CCDC69: variants seen among roughly 807,000 people sequenced by gnomAD.
CCDC69 encodes the protein coiled-coil domain-containing protein 69.
In CCDC69, 38 loss-of-function variants were observed where a neutral mutation model predicts 40.3. That is an observed-to-expected ratio of 0.94 (90% CI 0.73 to 1.24). The LOEUF is 1.24. CCDC69 is among the 50% of genes most tolerant of loss of function. The probability of loss-of-function intolerance (pLI) is 0.00; values close to 1 mark genes in which losing one functional copy is unlikely to be tolerated. For synonymous variants in CCDC69, 141 were observed against 138.9 expected (o/e 1.02, Z -0.11); for missense variants, 389 against 357.9 (o/e 1.09, Z -0.70).
rs766447139 is a variant in CCDC69 at position 151,185,565 on chromosome 5, A to G, written c.496-24T>C. 9 of 1,612,040 alleles carry G rather than the reference A, an allele frequency of 5.6e-6. No homozygotes were observed. The African/African-American group carries it at 1.1e-4, about 19-fold the overall frequency. ...TCCTAGACAGGGACAGAGTGACCTC[A>G]TTAGGCCAGTAGGCTACCTCCCTCC... On this transcript the variant is annotated intron_variant, in intron 6 of 8. Transcript: ENST00000355417.
Position 151,207,585 on chromosome 5 carries a change from C to A in CCDC69, c.49-2110G>T, listed in dbSNP as rs767714488. Reference sequence around the variant, plus strand: ...GGATTACAGGCATGAGCCACTGTACCCGGCCTAACTATTTATAGATTATTA... The same window carrying A: ...GGATTACAGGCATGAGCCACTGTACACGGCCTAACTATTTATAGATTATTA... On this transcript the variant is annotated intron_variant, in intron 1 of 8. Coordinates refer to ENST00000355417, the MANE Select transcript of CCDC69 (RefSeq NM_015621.3). Among the ~76,000 whole-genome samples the A allele has an allele frequency of 9.9e-5, 15 of 152,284 alleles. No individual in the cohort carries two copies. The East Asian group carries it at 2.3e-3, about 23-fold the overall frequency.
At chr5:151,214,164 G>A (rs1024205244) in intron 1 of CCDC69, among the ~76,000 whole-genome samples, 2 of 152,236 alleles carry the variant, frequency 1.3e-5, no homozygotes, top group Non-Finnish European at 2.9e-5. Flanking sequence ...GAGTAGCTGA[G>A]CCTGTAGGGG....
rs1209675582 is a variant in CCDC69 at position 151,217,401 on chromosome 5, C to A, written c.48+6522G>T. On this transcript the variant is annotated intron_variant, in intron 1 of 8. Transcript: ENST00000355417. ...TGCTGTCATTTTTGATTGCTGGCAACTTGGGGCTGGGGGTGAGAGGGTGGG... is the reference window on the plus strand; with the variant it reads ...TGCTGTCATTTTTGATTGCTGGCAAATTGGGGCTGGGGGTGAGAGGGTGGG... 3.3e-5 allele frequency among the ~76,000 whole-genome samples: 5 copies of A among 152,014 alleles called. No homozygotes were observed. In the East Asian group the frequency reaches 9.6e-4, roughly 29 times the overall value.
chr5:151,188,418 G>C (rs923087531), intron 4 of CCDC69, among the ~76,000 whole-genome samples: 10 of 151,998 alleles, frequency 6.6e-5, no homozygotes, highest in Non-Finnish European at 1.0e-4. Context: ...CAGCCTGGCC[G>C]ACATGGCAAA....
At chr5:151,200,056 G>A (rs930142421) in intron 3 of CCDC69, among the ~76,000 whole-genome samples, 26 of 152,074 alleles carry the variant, frequency 1.7e-4, no homozygotes, top group Non-Finnish European at 1.2e-4. Context: ...CCAGCAAGTC[G>A]ACTGGGTGAA....
At chr5:151,209,401 C>G (rs1400474612) in intron 1 of CCDC69, among the ~76,000 whole-genome samples, 1 of 152,186 alleles carries the variant, frequency 6.6e-6, no homozygotes, top group Non-Finnish European at 1.5e-5. Context: ...TTTCAGATAA[C>G]CACCACCAGA....
chr5:151,188,258 G>T (rs1000793565), intron 4 of CCDC69, among the ~76,000 whole-genome samples: 1 of 152,148 alleles, frequency 6.6e-6, no homozygotes, highest in South Asian at 2.1e-4. Context: ...GAACAGAGGA[G>T]ACAGGAAAGT....
At chr5:151,183,674 C>T (rs2113983123) in intron 8 of CCDC69, 60 bp from the exon 9 acceptor site, 1 of 1,478,698 alleles carries the variant, frequency 6.8e-7, no homozygotes, top group Non-Finnish European at 9.1e-7. Context: ...AGAGACCAAC[C>T]CATTCCCCCA....
chr5:151,187,376 C>G lies in CCDC69; in HGVS notation c.393+10G>C. 2.5e-6 allele frequency: 4 copies of G among 1,613,274 alleles called. No individual in the cohort carries two copies. The highest frequency in any genetic ancestry group is 3.4e-6 in the Non-Finnish European group (4 of 1,179,290). ...CTTATCCAAGACTGACACGACCCAG[C>G]CCCTCTCACCTGCTGGGTAGAACTG... On this transcript the variant is annotated intron_variant, in intron 5 of 8. Transcript: ENST00000355417.
At chr5:151,199,841 C>T (rs968583292) in intron 3 of CCDC69, among the ~76,000 whole-genome samples, 2 of 152,144 alleles carry the variant, frequency 1.3e-5, no homozygotes, top group South Asian at 4.1e-4. Context: ...AAACTAAAGA[C>T]CAGCAGCTGC....
intron 1 of CCDC69, 53 bp downstream of exon 1, chr5:151,223,870 A>T: frequency 1.3e-6 from 2 of 1,563,390 alleles, no homozygotes; most frequent in Non-Finnish European, 1.7e-6. Context: ...CGGCGGAGCG[A>T]TTCCGCACTC....
intron 4 of CCDC69, among the ~76,000 whole-genome samples, chr5:151,194,248 C>T (rs1178352911): frequency 1.3e-5 from 2 of 152,176 alleles, no homozygotes; most frequent in African/African-American, 2.4e-5. Flanking sequence ...AAAGCCTGCA[C>T]ATGAATGTTA....
In CCDC69 at chr5:151,223,929, C is replaced by A; in HGVS notation, c.42G>T (p.Pro14=). The A allele has an allele frequency of 6.3e-7, 1 of 1,583,240 alleles. No homozygotes were observed. The highest frequency in any genetic ancestry group is 1.1e-5 in the South Asian group (1 of 88,936). The change falls in exon 1 of 9, where the codon CCG becomes CCT. Residue 14 remains proline, a synonymous_variant. Transcript: ENST00000355417. ...CTCCGCCGGCGCCCTTTACCTTTTT[C>A]GGGGGTTTGCAGCTGCTCAGCCTGC... ...RHSRLSSCKP[P]KKKRQEPEPE... is the part of the protein sequence containing the mutation.
chr5:151,188,466 A>G (rs1042022467), intron 4 of CCDC69, among the ~76,000 whole-genome samples: 4 of 152,058 alleles, frequency 2.6e-5, no homozygotes, highest in South Asian at 2.1e-4. Flanking sequence ...TTAGCTTGGC[A>G]TGGTGGTGCA....
intron 4 of CCDC69, 103 bp from the exon 5 acceptor site, chr5:151,187,562 T>G: frequency 7.9e-6 from 7 of 888,808 alleles, no homozygotes; most frequent in Non-Finnish European, 1.1e-5. Flanking sequence ...CTGGGGCCCA[T>G]AGAGGCCAGG....
intron 4 of CCDC69, among the ~76,000 whole-genome samples, chr5:151,195,883 T>A (rs1391713217): frequency 6.6e-6 from 1 of 152,178 alleles, no homozygotes; most frequent in Non-Finnish European, 1.5e-5. Context: ...TTCAAGATTC[T>A]TAAAATCATT....
intron 5 of CCDC69, 31 bp downstream of exon 5, chr5:151,187,355 T>C (rs750377297): frequency 6.2e-7 from 1 of 1,602,862 alleles, no homozygotes; most frequent in Non-Finnish European, 8.5e-7. Flanking sequence ...CTTACCCTTA[T>C]CCAAGACTGA....
intron 1 of CCDC69, among the ~76,000 whole-genome samples, chr5:151,213,591 A>G (rs1409974092): frequency 6.6e-6 from 1 of 152,204 alleles, no homozygotes; most frequent in Non-Finnish European, 1.5e-5. Context: ...GCAAGAGTGA[A>G]TTAGGCAGAA....
At chr5:151,186,770 G>A (rs1752526232) in intron 5 of CCDC69, among the ~76,000 whole-genome samples, 2 of 152,072 alleles carry the variant, frequency 1.3e-5, no homozygotes, top group Non-Finnish European at 1.5e-5. Flanking sequence ...CTACCGTTAG[G>A]CTAGAGCACA....
Sources: gnomAD v4.1 joint callset for allele counts (sites outside exome capture counted in the v4.1 genomes callset) on GRCh38, gnomAD v4.1.1 for gene constraint, MANE v1.5 for transcripts, NCBI Gene and HGNC (gene_info 2026-07-23, HGNC 2026-07-21) for gene names.